Variants in NLK observed in about 807,000 individuals in gnomAD.
NLK encodes nemo like kinase.
A neutral mutation model predicts 59.0 loss-of-function variants in NLK; 11 were observed. The ratio of observed to expected loss-of-function variants is 0.19; its 90% CI spans 0.12 to 0.31. The LOEUF is 0.31. NLK is among the 10% of genes least tolerant of loss of function. The probability of loss-of-function intolerance (pLI) is 1.00; values close to 1 mark genes in which losing one functional copy is unlikely to be tolerated. For missense variants in NLK, 410 were observed against 661.1 expected, an observed-to-expected ratio of 0.62 and a Z score of 4.16; for synonymous variants, 235 against 235.9, an observed-to-expected ratio of 1.00 and a Z score of 0.03.
At chr17:28,204,197 G>A in the NLK span, among the ~76,000 whole-genome samples, 1 of 152,200 alleles carries the variant, frequency 6.6e-6, no homozygotes, top group East Asian at 1.9e-4. Flanking sequence ...ATTTTCCCAA[G>A]ATCACACAGC....
intron 3 of NLK, among the ~76,000 whole-genome samples, chr17:28,149,849 T>G (rs1287167366): frequency 6.6e-6 from 1 of 152,238 alleles, no homozygotes; most frequent in Non-Finnish European, 1.5e-5. Context: ...ATGCTGCTAT[T>G]CAAAATTTGT....
chr17:28,059,803 T>A (rs1032725439), intron 1 of NLK, among the ~76,000 whole-genome samples: 1 of 152,184 alleles, frequency 6.6e-6, no homozygotes, highest in African/African-American at 2.4e-5. Context: ...ATGGCCAATT[T>A]CAAACCACTA....
At chr17:28,142,628 A>G (rs1907055258) in intron 3 of NLK, among the ~76,000 whole-genome samples, 1 of 152,144 alleles carries the variant, frequency 6.6e-6, no homozygotes, top group African/African-American at 2.4e-5. Flanking sequence ...GTCATTATCC[A>G]CGCTATTCAA....
At chr17:28,149,023 A>G (rs1907369747) in intron 3 of NLK, among the ~76,000 whole-genome samples, 2 of 152,228 alleles carry the variant, frequency 1.3e-5, no homozygotes, top group African/African-American at 4.8e-5. Flanking sequence ...GTGAGCACTC[A>G]ATAAATGTCC....
chr17:28,139,340 A>G (rs1194276682), intron 3 of NLK, among the ~76,000 whole-genome samples: 1 of 152,254 alleles, frequency 6.6e-6, no homozygotes, highest in African/African-American at 2.4e-5. Context: ...CTACTGAATT[A>G]CTAGAAAATT....
At chr17:28,121,593 C>G (rs182257866) in intron 1 of NLK, among the ~76,000 whole-genome samples, 2 of 141,754 alleles carry the variant, frequency 1.4e-5, no homozygotes, top group Admixed American at 1.5e-4. Flanking sequence ...ACCTCCGCCT[C>G]CAGGTTCAAG....
intron 3 of NLK, among the ~76,000 whole-genome samples, chr17:28,146,788 G>A (rs1303904514): frequency 6.6e-6 from 1 of 152,126 alleles, no homozygotes. Context: ...TTGAAGGACA[G>A]AGTACAAGAA....
At chr17:28,052,012 A>C (rs1293585912) in intron 1 of NLK, among the ~76,000 whole-genome samples, 1 of 149,898 alleles carries the variant, frequency 6.7e-6, no homozygotes, top group African/African-American at 2.5e-5. Flanking sequence ...TTAAATGTTC[A>C]TTTTTTTTTC....
chr17:28,119,434 T>C (rs1288224526), intron 1 of NLK, among the ~76,000 whole-genome samples: 1 of 152,162 alleles, frequency 6.6e-6, no homozygotes, highest in Non-Finnish European at 1.5e-5. Context: ...CAGGAGTGGG[T>C]TTATCTCCTT....
At chr17:28,130,323 A>G (rs913654501) in intron 2 of NLK, among the ~76,000 whole-genome samples, 1 of 152,146 alleles carries the variant, frequency 6.6e-6, no homozygotes, top group Admixed American at 6.5e-5. Context: ...GATCATTTCT[A>G]CTGGTCTAAA....
chr17:28,177,132 G>A (rs1429545437), intron 7 of NLK, among the ~76,000 whole-genome samples: 2 of 152,158 alleles, frequency 1.3e-5, no homozygotes, highest in African/African-American at 2.4e-5. Flanking sequence ...AGTAGGCTGA[G>A]GAGGAAGAGA....
At chr17:28,125,023 G>T (rs1906237190) in intron 2 of NLK, among the ~76,000 whole-genome samples, 1 of 151,988 alleles carries the variant, frequency 6.6e-6, no homozygotes, top group South Asian at 2.1e-4. Context: ...ACTCCAGCCT[G>T]GGCACAGAGC....
chr17:28,044,659 C>T (rs545229088), intron 1 of NLK, among the ~76,000 whole-genome samples: 6 of 152,296 alleles, frequency 3.9e-5, no homozygotes, highest in Admixed American at 3.3e-4. Flanking sequence ...TTCCTGCCTT[C>T]CTCTCTTCCC....
intron 3 of NLK, among the ~76,000 whole-genome samples, chr17:28,134,524 G>A (rs1906657406): frequency 6.6e-6 from 1 of 152,186 alleles, no homozygotes; most frequent in Non-Finnish European, 1.5e-5. Flanking sequence ...ATTGGATACA[G>A]GCTATATGCA....
At chr17:28,107,620 A>G (rs568936129) in intron 1 of NLK, among the ~76,000 whole-genome samples, 148 of 152,292 alleles carry the variant, frequency 9.7e-4, no homozygotes, top group African/African-American at 3.5e-3. Context: ...AATAGAACAC[A>G]TATTAAAAGG....
chr17:28,146,582 A>G (rs62067261), intron 3 of NLK, among the ~76,000 whole-genome samples: 10,383 of 152,240 alleles, frequency 0.068, 486 homozygotes, highest in Non-Finnish European at 0.1. Flanking sequence ...TTATCAAGCT[A>G]CTAAGTGGCA....
At chr17:28,113,446 T>C (rs1458815680) in intron 1 of NLK, among the ~76,000 whole-genome samples, 1 of 152,226 alleles carries the variant, frequency 6.6e-6, no homozygotes. Flanking sequence ...TTTTTATGAT[T>C]ATTTCTTGAT....
chr17:28,061,307 G>T (rs1457424252), intron 1 of NLK, among the ~76,000 whole-genome samples: 1 of 152,132 alleles, frequency 6.6e-6, no homozygotes, highest in Non-Finnish European at 1.5e-5. Context: ...TTGAAAAAAA[G>T]ACATTAAAAG....
chr17:28,043,353 C>A, intron 1 of NLK, 22 bp downstream of exon 1: 2 of 1,505,002 alleles, frequency 1.3e-6, no homozygotes, highest in Non-Finnish European at 1.8e-6. Flanking sequence ...AAGAAAAACA[C>A]AACCTCTCAT....
Sources: allele counts gnomAD v4.1 joint callset (sites outside exome capture counted in the v4.1 genomes callset), GRCh38; gene constraint gnomAD v4.1.1; transcripts MANE v1.5; gene names NCBI Gene and HGNC (gene_info 2026-07-23, HGNC 2026-07-21).